GRID1: variants seen among roughly 807,000 people sequenced by gnomAD.
GRID1 encodes glutamate ionotropic receptor delta type subunit 1.
A neutral mutation model predicts 98.0 loss-of-function variants in GRID1; 28 were observed. The observed-to-expected ratio is 0.29, with a 90% CI of 0.21 to 0.39. The LOEUF (loss-of-function observed/expected upper bound fraction) is 0.39, where lower values mean the gene tolerates loss of function less well. Among genes scored for constraint, GRID1 ranks in the 10% least tolerant of loss-of-function variants. GRID1 has a pLI of 1.00. For missense variants in GRID1, 1,111 were observed against 1,340.5 expected, an observed-to-expected ratio of 0.83 and a Z score of 2.67; for synonymous variants, 553 against 538.5, an observed-to-expected ratio of 1.03 and a Z score of -0.37.
chr10:85,914,404 G>C (rs1841582577), intron 5 of GRID1, among the ~76,000 whole-genome samples: 1 of 152,142 alleles, frequency 6.6e-6, no homozygotes, highest in African/African-American at 2.4e-5. Flanking sequence ...AAAGAAAACT[G>C]GACTATGAAG....
intron 2 of GRID1, among the ~76,000 whole-genome samples, chr10:86,307,940 C>A (rs1250500974): frequency 6.6e-6 from 1 of 152,162 alleles, no homozygotes; most frequent in East Asian, 1.9e-4. Flanking sequence ...GAACAAATTT[C>A]TACATATACA....
chr10:86,191,501 A>C (rs1404063917), intron 3 of GRID1, among the ~76,000 whole-genome samples: 2 of 120,528 alleles, frequency 1.7e-5, no homozygotes, highest in Admixed American at 8.9e-5. Flanking sequence ...TAGAGTGCCC[A>C]CCCCTCCCCT....
At position 85,875,429 on chromosome 10, in the gene GRID1, G is replaced by C. The variant is rs147751105; in HGVS notation, c.781-6249C>G. On this transcript the variant is annotated intron_variant, in intron 5 of 15. Transcript: ENST00000327946. ...GAATGCCTGTAAACCTAATATACTA[G>C]ATATTTTACATCCATATTTGAATTT... is the stretch of plus-strand genomic sequence containing the variant. Among the ~76,000 whole-genome samples the C allele has an allele frequency of 2.6e-5, 4 of 151,828 alleles. No individual in the cohort carries two copies. In the East Asian group the frequency reaches 5.8e-4, roughly 22 times the overall value.
At chr10:85,645,933 C>T (rs1391791882) in intron 13 of GRID1, 1 of 152,326 alleles carries the variant, frequency 6.6e-6, no homozygotes, top group African/African-American at 2.4e-5. Flanking sequence ...TCAGGCCTCT[C>T]TCCCTTGACC....
chr10:86,243,843 G>A (rs1040721279), intron 2 of GRID1, among the ~76,000 whole-genome samples: 3 of 152,162 alleles, frequency 2.0e-5, no homozygotes, highest in African/African-American at 4.8e-5. Flanking sequence ...TGTCACGGCC[G>A]AGCAGGGGTC....
In GRID1 at chr10:85,916,849, T is replaced by G. The variant is rs1322594669; in HGVS notation, c.727-610A>C. ...CTTGCCATCTTTGTGCTTGAATGGC[T>G]ATCAGTTTACTTATTTCTTATTGTC... On this transcript the variant is annotated intron_variant, in intron 4 of 15. Coordinates refer to ENST00000327946, the MANE Select transcript of GRID1 (RefSeq NM_017551.3). The surrounding 1 kb of genome is among the most constrained non-coding windows in gnomAD (Gnocchi z 4.0). Among the ~76,000 whole-genome samples, 1 of 152,256 alleles carries G rather than the reference T, an allele frequency of 6.6e-6. No individual in the cohort carries two copies. Among genetic ancestry groups the G allele is most frequent in the Non-Finnish European group, 1.5e-5 (1 of 68,050 alleles).
At chr10:85,828,091 C>G (rs1842835670) in intron 8 of GRID1, among the ~76,000 whole-genome samples, 2 of 152,088 alleles carry the variant, frequency 1.3e-5, no homozygotes, top group African/African-American at 4.8e-5. Flanking sequence ...ACACAACATT[C>G]AACCACAGTG....
chr10:86,038,436 G>T (rs545600616), intron 4 of GRID1, among the ~76,000 whole-genome samples: 2 of 152,342 alleles, frequency 1.3e-5, no homozygotes, highest in East Asian at 3.9e-4. Context: ...CTCTTGGGCT[G>T]CTGAATCAGA....
At position 85,681,938 on chromosome 10, in the gene GRID1, C is replaced by T. The variant is rs572571693; in HGVS notation, c.1998-34541G>A. 2.6e-5 allele frequency among the ~76,000 whole-genome samples: 4 copies of T among 152,100 alleles called. No individual in the cohort carries two copies. In the East Asian group the frequency reaches 5.8e-4, roughly 22 times the overall value. ...CAACATGTGCACTCAGTTTCTTCCC[C>T]GGCACAGCACATGCACCAGCAAACA... On this transcript the variant is annotated intron_variant, in intron 12 of 15. Transcript: ENST00000327946.
At chr10:86,191,026 G>A (rs1845795191) in intron 3 of GRID1, among the ~76,000 whole-genome samples, 1 of 152,192 alleles carries the variant, frequency 6.6e-6, no homozygotes, top group Non-Finnish European at 1.5e-5. Context: ...AGATCTCTGG[G>A]CTTTTTATTT....
chr10:85,620,048 T>C lies in GRID1; in HGVS notation c.2194-15A>G. ...CCCTTCTTTGCCTGAAAGATCAAAA[T>C]TACCATGAAGTCAGGCAGTCCTGGC... On this transcript the variant is annotated splice_polypyrimidine_tract_variant and intron_variant, in intron 13 of 15. Transcript: ENST00000327946. 2 of 1,611,900 alleles carry C rather than the reference T, an allele frequency of 1.2e-6. No individual in the cohort carries two copies. The highest frequency in any genetic ancestry group is 1.7e-6 in the Non-Finnish European group (2 of 1,178,152).
At chr10:86,294,284 G>A (rs954944915) in intron 2 of GRID1, among the ~76,000 whole-genome samples, 3 of 152,340 alleles carry the variant, frequency 2.0e-5, no homozygotes, top group East Asian at 1.9e-4. Flanking sequence ...CAGATGGGCA[G>A]CACAAGGCCT....
intron 8 of GRID1, among the ~76,000 whole-genome samples, chr10:85,848,909 G>A (rs576480868): frequency 1.3e-5 from 2 of 152,276 alleles, no homozygotes; most frequent in Admixed American, 1.3e-4. Context: ...GTTAATCCAT[G>A]AAGAGACTCA....
intron 2 of GRID1, among the ~76,000 whole-genome samples, chr10:86,297,710 C>T (rs536530160): frequency 4.6e-5 from 7 of 152,220 alleles, no homozygotes; most frequent in Non-Finnish European, 7.4e-5. Flanking sequence ...TGTCAGGCAG[C>T]GTTGATAACT....
At chr10:85,776,505 A>C (rs1361818868) in intron 8 of GRID1, among the ~76,000 whole-genome samples, 1 of 152,170 alleles carries the variant, frequency 6.6e-6, no homozygotes, top group East Asian at 1.9e-4. Flanking sequence ...AGCTGAGGTC[A>C]CCTCTCCAGG....
intron 8 of GRID1, among the ~76,000 whole-genome samples, chr10:85,831,509 T>C (rs902484135): frequency 8.6e-5 from 13 of 151,972 alleles, no homozygotes; most frequent in Non-Finnish European, 5.9e-5. Flanking sequence ...AACAATAAAA[T>C]GAGATACCGT....
chr10:85,988,496 T>C (rs1842639356), intron 4 of GRID1, among the ~76,000 whole-genome samples: 1 of 152,220 alleles, frequency 6.6e-6, no homozygotes, highest in Admixed American at 6.5e-5. Flanking sequence ...CACACTTGCC[T>C]GAAAGTCTGC....
At chr10:85,731,398 C>G (rs558624241) in intron 8 of GRID1, among the ~76,000 whole-genome samples, 2 of 151,872 alleles carry the variant, frequency 1.3e-5, no homozygotes, top group African/African-American at 2.4e-5. Flanking sequence ...AAGTGAAGAT[C>G]TACCCAAAAT....
At chr10:85,904,098 C>A (rs1005979161) in intron 5 of GRID1, among the ~76,000 whole-genome samples, 2 of 152,164 alleles carry the variant, frequency 1.3e-5, no homozygotes, top group Non-Finnish European at 2.9e-5. Context: ...ATCTGTCTTG[C>A]CCCATTGAAA....
Sources: allele counts gnomAD v4.1 joint callset (sites outside exome capture counted in the v4.1 genomes callset), GRCh38; gene constraint gnomAD v4.1.1; non-coding constraint Gnocchi (gnomAD v3.1); transcripts MANE v1.5; gene names NCBI Gene and HGNC (gene_info 2026-07-23, HGNC 2026-07-21).